Variants in SMC6 observed in about 807,000 individuals in gnomAD.
The protein encoded by SMC6 is structural maintenance of chromosomes 6, also known as structural maintenance of chromosomes protein 6.
In SMC6, 79 loss-of-function variants were observed where a neutral mutation model predicts 142.2. That is an observed-to-expected ratio of 0.56 (90% CI 0.46 to 0.67). The LOEUF is 0.67. SMC6 is among the 30% of genes least tolerant of loss of function. The pLI, the probability that SMC6 is intolerant of heterozygous loss-of-function variation, is 0.00. For synonymous variants in SMC6, 411 were observed against 412.4 expected, an observed-to-expected ratio of 1.00 and a Z score of 0.04; for missense variants, 1,072 against 1,284.0, an observed-to-expected ratio of 0.83 and a Z score of 2.52.
chr2:17,714,067 T>C (rs1374333210), intron 16 of SMC6, among the ~76,000 whole-genome samples: 3 of 150,506 alleles, frequency 2.0e-5, no homozygotes, highest in Non-Finnish European at 4.4e-5. Context: ...GGAATAGATA[T>C]ATACATTCAT....
chr2:17,745,359 T>C (rs1670692862), intron 3 of SMC6, among the ~76,000 whole-genome samples: 1 of 152,218 alleles, frequency 6.6e-6, no homozygotes, highest in African/African-American at 2.4e-5. Flanking sequence ...AAAATATGAA[T>C]TAAATCTCCT....
intron 8 of SMC6, 92 bp from the exon 9 acceptor site, chr2:17,725,450 CT>C: frequency 1.3e-6 from 1 of 773,538 alleles, no homozygotes; most frequent in Non-Finnish European, 2.0e-6. Flanking sequence ...TTTCTGAAAA[CT>C]TTTAGATCAA....
chr2:17,737,252 C>T (rs1321948823), intron 5 of SMC6, among the ~76,000 whole-genome samples: 14 of 152,104 alleles, frequency 9.2e-5, no homozygotes, highest in Admixed American at 9.2e-4. Flanking sequence ...CACATCCTGT[C>T]TTTGTTCTAT....
intron 10 of SMC6, 41 bp from the exon 11 acceptor site, chr2:17,721,079 T>G (rs765055122): frequency 1.2e-6 from 2 of 1,612,392 alleles, no homozygotes; most frequent in African/African-American, 2.7e-5. Context: ...AGATTAACAA[T>G]AATAACCAAA....
intron 23 of SMC6, among the ~76,000 whole-genome samples, chr2:17,685,354 C>T (rs917930941): frequency 2.7e-5 from 4 of 147,858 alleles, no homozygotes; most frequent in African/African-American, 1.0e-4. Flanking sequence ...AGTTACAGGA[C>T]ATAATAGACA....
intron 18 of SMC6, among the ~76,000 whole-genome samples, chr2:17,703,924 C>T (rs1668385681): frequency 6.6e-6 from 1 of 151,894 alleles, no homozygotes; most frequent in African/African-American, 2.4e-5. Context: ...GGCTTCCAGT[C>T]AACAGTAGGC....
rs1438789455 is a variant in SMC6, at chr2:17,701,902, A to G, written c.2150T>C (p.Ile717Thr). The change falls in exon 20 of 28, where the codon ATA becomes ACA. Residue 717 changes from isoleucine (I) to threonine (T), a missense_variant. Around this residue, in one of 3 missense-constraint regions of SMC6, gnomAD observed 994 missense variants for 1,153.2 expected, o/e 0.86. Transcript: ENST00000448223. The stretch of plus-strand genomic sequence containing the variant: ...CCGAATTTCAGAAATATTTTTTCTT[A>G]TTTTCATCTAAAAGAAAAGTATTTG... ...QLHYKELKMK[I>T]RKNISEIREL... The G allele has an allele frequency of 6.5e-7, 1 of 1,539,334 alleles. No homozygotes were observed. The highest frequency in any genetic ancestry group is 1.8e-5 in the Admixed American group (1 of 54,456).
Position 17,738,214 on chromosome 2 carries a change from C to G in SMC6, c.344+7G>C. 6.3e-7 allele frequency: 1 copy of G among 1,589,750 alleles called. No homozygotes were observed. On this transcript the variant is annotated splice_region_variant and intron_variant, in intron 5 of 27. Transcript: ENST00000448223. ...TTGAAAATAGATGGTAGAAAGCAAA[C>G]ACTTACTTCTGTCCATCTTTCACAA...
rs1243251114 is a variant in SMC6 at position 17,714,961 on chromosome 2, C to G, written c.1630G>C (p.Val544Leu). Reference protein sequence around the residue: ...YCCHNHADERVLQALMKRFYL... With the variant: ...YCCHNHADERLLQALMKRFYL... ...AACCTTTTCATGAGTGCCTGAAGGACCCTTTCATCAGCATGATTATGGCAA... is the reference window on the plus strand; with the variant it reads ...AACCTTTTCATGAGTGCCTGAAGGAGCCTTTCATCAGCATGATTATGGCAA... The change falls in exon 16 of 28, where the codon GTC (valine) becomes CTC (leucine). Residue 544 changes from valine to leucine, a missense_variant. Transcript: ENST00000448223. 1 of 1,613,920 alleles carries G rather than the reference C, an allele frequency of 6.2e-7. No individual in the cohort carries two copies.
At chr2:17,740,767 T>G (rs75015788) in intron 4 of SMC6, 1 of 433,856 alleles carries the variant, frequency 2.3e-6, no homozygotes, top group Non-Finnish European at 4.6e-6. Context: ...GGAGAATCGC[T>G]TGAACCTGGG....
intron 27 of SMC6, 65 bp downstream of exon 27, chr2:17,666,355 T>C: frequency 8.5e-7 from 1 of 1,175,336 alleles, no homozygotes; most frequent in East Asian, 2.5e-5. Context: ...AAAATTAAAA[T>C]TGTAAAAGAT....
rs1666705360 is a variant in SMC6, at chr2:17,670,540, A to C, written c.2946T>G (p.Asn982Lys). Residue 982 changes from asparagine to lysine, a missense_variant, in exon 26 of 28, where the codon AAT becomes AAG. By Grantham distance (94) the Asn-to-Lys change is moderately conservative. Coordinates refer to ENST00000448223, the MANE Select transcript of SMC6 (RefSeq NM_001142286.2). ...QPGEGNKAAF[N>K]DMRALSGGER... Reference sequence around the variant, plus strand: ...CACCTCCAGACAAGGCTCTCATGTCATTGAAAGCAGCTTTATTTCCTTCTC... The same window carrying C: ...CACCTCCAGACAAGGCTCTCATGTCCTTGAAAGCAGCTTTATTTCCTTCTC... 1 of 1,583,342 alleles carries C rather than the reference A, an allele frequency of 6.3e-7. No individual in the cohort carries two copies. Among genetic ancestry groups the C allele is most frequent in the Non-Finnish European group, 8.5e-7 (1 of 1,171,364 alleles).
At chr2:17,742,863 C>G (rs1670548258) in intron 3 of SMC6, among the ~76,000 whole-genome samples, 1 of 152,196 alleles carries the variant, frequency 6.6e-6, no homozygotes, top group Admixed American at 6.5e-5. Context: ...AACCAAGATA[C>G]TGACATTGAC....
chr2:17,725,968 A>G (rs1669595484), intron 8 of SMC6, among the ~76,000 whole-genome samples: 1 of 150,816 alleles, frequency 6.6e-6, no homozygotes, highest in African/African-American at 2.4e-5. Flanking sequence ...CATGCTTGTA[A>G]CCCCAGCTCC....
At chr2:17,737,047 C>G (rs1670191607) in intron 5 of SMC6, among the ~76,000 whole-genome samples, 2 of 152,180 alleles carry the variant, frequency 1.3e-5, no homozygotes, top group African/African-American at 4.8e-5. Context: ...CTTTGCTGGA[C>G]TGGGGCCCCA....
At chr2:17,696,195 T>C (rs1667977531) in intron 22 of SMC6, 94 bp downstream of exon 22, 6 of 1,465,194 alleles carry the variant, frequency 4.1e-6, no homozygotes, top group Non-Finnish European at 5.5e-6. Context: ...CAGACAACTT[T>C]TCTGTTTTTA....
chr2:17,734,233 G>C (rs1433320214), intron 5 of SMC6, among the ~76,000 whole-genome samples: 1 of 152,160 alleles, frequency 6.6e-6, no homozygotes, highest in East Asian at 1.9e-4. Flanking sequence ...GGTCCCTCAA[G>C]AGACCCCGCA....
intron 16 of SMC6, among the ~76,000 whole-genome samples, chr2:17,710,913 T>C (rs1668795570): frequency 6.6e-6 from 1 of 152,088 alleles, no homozygotes; most frequent in African/African-American, 2.4e-5. Context: ...GTAAATGGCT[T>C]TTTAGGACAG....
At chr2:17,744,666 G>A (rs1356131682) in intron 3 of SMC6, among the ~76,000 whole-genome samples, 1 of 152,148 alleles carries the variant, frequency 6.6e-6, no homozygotes, top group African/African-American at 2.4e-5. Context: ...GATCTTTGGG[G>A]AAAAGTATCC....
Sources: gnomAD v4.1 joint callset for allele counts (sites outside exome capture counted in the v4.1 genomes callset) on GRCh38, gnomAD v4.1.1 for gene constraint, gnomAD v4.1.1 regional missense constraint, MANE v1.5 for transcripts, NCBI Gene and HGNC (gene_info 2026-07-23, HGNC 2026-07-21) for gene names.